The following TLN2 variants were observed in gnomAD, a reference collection of about 807,000 sequenced individuals.
TLN2 encodes talin-2.
Under a neutral mutation model 294.7 loss-of-function variants are expected in TLN2, and 118 were observed. That is an observed-to-expected ratio of 0.40 (90% CI 0.34 to 0.47). The LOEUF is 0.47. Ranked by LOEUF, TLN2 falls within the 20% of genes least tolerant of loss-of-function variation. The probability of loss-of-function intolerance (pLI) is 0.84; values close to 1 mark genes in which losing one functional copy is unlikely to be tolerated. For missense variants in TLN2, 3,083 were observed against 3,282.2 expected, an observed-to-expected ratio of 0.94 and a Z score of 1.48; for synonymous variants, 1,431 against 1,304.5, an observed-to-expected ratio of 1.10 and a Z score of -2.09.
intron 3 of TLN2, among the ~76,000 whole-genome samples, chr15:62,619,823 C>T (rs1183264129): frequency 3.3e-5 from 5 of 152,254 alleles, no homozygotes; most frequent in East Asian, 3.9e-4. Flanking sequence ...TCTGTAGCTA[C>T]GAGAGAACAA....
intron 1 of TLN2, among the ~76,000 whole-genome samples, chr15:62,541,036 T>C (rs2041655162): frequency 6.6e-6 from 1 of 152,186 alleles, no homozygotes; most frequent in Non-Finnish European, 1.5e-5. Context: ...AACTAGGCTG[T>C]GAACTTCTAA....
intron 1 of TLN2, among the ~76,000 whole-genome samples, chr15:62,407,377 A>G (rs931081684): frequency 1.3e-5 from 2 of 152,172 alleles, no homozygotes; most frequent in Non-Finnish European, 2.9e-5. Context: ...ATGCATAAGA[A>G]TCTCCTAGGC....
At chr15:62,634,583 G>A (rs969748403) in intron 3 of TLN2, among the ~76,000 whole-genome samples, 4 of 152,142 alleles carry the variant, frequency 2.6e-5, no homozygotes, top group African/African-American at 7.2e-5. Context: ...TAATATGTAC[G>A]TGTCCAGGCT....
intron 3 of TLN2, among the ~76,000 whole-genome samples, chr15:62,622,836 A>T (rs1206007919): frequency 6.6e-6 from 1 of 152,174 alleles, no homozygotes; most frequent in Non-Finnish European, 1.5e-5. Context: ...ATAAAATAAG[A>T]TGGAGTTTGG....
chr15:62,795,783 C>T (rs1269503014), intron 46 of TLN2, among the ~76,000 whole-genome samples: 1 of 152,172 alleles, frequency 6.6e-6, no homozygotes. Context: ...ATAGCATCTG[C>T]CCTCTGCTGA....
intron 9 of TLN2, among the ~76,000 whole-genome samples, chr15:62,661,788 A>C (rs979353591): frequency 3.3e-5 from 5 of 152,166 alleles, no homozygotes; most frequent in Admixed American, 3.3e-4. Flanking sequence ...TTTCTACTTA[A>C]ATCAAAAATG....
At chr15:62,638,862 T>G (rs2050684331) in intron 3 of TLN2, among the ~76,000 whole-genome samples, 1 of 152,172 alleles carries the variant, frequency 6.6e-6, no homozygotes. Context: ...GTTCTTTTTT[T>G]GAGTTGTGTA....
intron 11 of TLN2, among the ~76,000 whole-genome samples, chr15:62,685,925 G>A (rs2141040886): frequency 6.6e-6 from 1 of 152,140 alleles, no homozygotes; most frequent in South Asian, 2.1e-4. Flanking sequence ...TCTTATGTTG[G>A]TGTTTTTCTT....
intron 3 of TLN2, among the ~76,000 whole-genome samples, chr15:62,632,433 G>C (rs1191555430): frequency 6.6e-6 from 1 of 152,186 alleles, no homozygotes; most frequent in Non-Finnish European, 1.5e-5. Flanking sequence ...GAGTGACCTA[G>C]GCTCTTATTC....
chr15:62,739,278 C>T, intron 30 of TLN2, 70 bp from the exon 31 acceptor site: 1 of 1,519,534 alleles, frequency 6.6e-7, no homozygotes, highest in South Asian at 1.3e-5. Flanking sequence ...CTCCCTTCCA[C>T]AATACCTTCC....
intron 1 of TLN2, among the ~76,000 whole-genome samples, chr15:62,404,536 T>A (rs142414975): frequency 2.6e-5 from 4 of 152,302 alleles, no homozygotes; most frequent in Admixed American, 1.3e-4. Context: ...GGTTAAAAGA[T>A]CCCCAAAGCA....
chr15:62,577,851 A>C (rs568318494), intron 1 of TLN2, among the ~76,000 whole-genome samples: 1 of 152,222 alleles, frequency 6.6e-6, no homozygotes, highest in Admixed American at 6.5e-5. Flanking sequence ...CCAGCCTCCT[A>C]CTACCTAACA....
intron 1 of TLN2, among the ~76,000 whole-genome samples, chr15:62,396,560 G>A (rs2032567165): frequency 6.6e-6 from 1 of 152,136 alleles, no homozygotes; most frequent in African/African-American, 2.4e-5. Flanking sequence ...GTAAAGGATA[G>A]CTTCAGAAAA....
intron 1 of TLN2, among the ~76,000 whole-genome samples, chr15:62,445,638 A>G (rs972762834): frequency 1.3e-5 from 2 of 152,008 alleles, no homozygotes; most frequent in East Asian, 3.9e-4. Context: ...CAAATTACAG[A>G]TGTCAGTATT....
At chr15:62,723,702 C>A (rs543174551) in intron 26 of TLN2, among the ~76,000 whole-genome samples, 4 of 151,808 alleles carry the variant, frequency 2.6e-5, no homozygotes, top group Non-Finnish European at 4.4e-5. Flanking sequence ...CCACCACATC[C>A]AATTAATTTT....
chr15:62,704,034 C>G (rs1385028395), intron 19 of TLN2, among the ~76,000 whole-genome samples: 1 of 152,200 alleles, frequency 6.6e-6, no homozygotes, highest in Non-Finnish European at 1.5e-5. Context: ...TGTTACAGTT[C>G]TGGCCCAGGT....
At chr15:62,831,641 A>AT (rs1299530903) in intron 54 of TLN2, 1 of 152,144 alleles carries the variant, frequency 6.6e-6, no homozygotes, top group East Asian at 1.9e-4. Context: ...AACTAAATTC[A>AT]TGTCTGTCCT....
rs961368717 is a variant in TLN2 at position 62,677,263 on chromosome 15, G to A, written c.957+1942G>A. Among the ~76,000 whole-genome samples, 12 of 152,280 alleles carry A rather than the reference G, an allele frequency of 7.9e-5. No homozygotes were observed. In the East Asian group the frequency reaches 2.1e-3, roughly 27 times the overall value. ...AATTTTCATCATGTCCACTGATAATGGCATCAATTTCCATTTATTTTCTTG... is the reference window on the plus strand; with the variant it reads ...AATTTTCATCATGTCCACTGATAATAGCATCAATTTCCATTTATTTTCTTG... On this transcript the variant is annotated intron_variant, in intron 11 of 58. Coordinates refer to ENST00000636159, the MANE Select transcript of TLN2 (RefSeq NM_015059.3).
At chr15:62,767,590 C>T (rs778269293) in intron 41 of TLN2, among the ~76,000 whole-genome samples, 9 of 152,174 alleles carry the variant, frequency 5.9e-5, no homozygotes, top group African/African-American at 1.9e-4. Context: ...CCACCTGCCT[C>T]GGCCTCCCAA....
Sources: allele counts gnomAD v4.1 joint callset (sites outside exome capture counted in the v4.1 genomes callset), GRCh38; gene constraint gnomAD v4.1.1; transcripts MANE v1.5; gene names NCBI Gene and HGNC (gene_info 2026-07-23, HGNC 2026-07-21).